Variants in DAB2IP observed in about 807,000 individuals in gnomAD.
DAB2IP encodes disabled homolog 2-interacting protein.
In DAB2IP, 28 loss-of-function variants were observed where a neutral mutation model predicts 107.2. The ratio of observed to expected loss-of-function variants is 0.26; its 90% CI spans 0.19 to 0.36. DAB2IP has a LOEUF of 0.36. DAB2IP is among the 10% of genes least tolerant of loss of function. The pLI, the probability that DAB2IP is intolerant of heterozygous loss-of-function variation, is 1.00. For missense variants in DAB2IP, 1,400 were observed against 1,644.7 expected, an observed-to-expected ratio of 0.85 and a Z score of 2.57; for synonymous variants, 755 against 706.4, an observed-to-expected ratio of 1.07 and a Z score of -1.09.
intron 1 of DAB2IP, among the ~76,000 whole-genome samples, chr9:121,654,042 A>G (rs1389883551): frequency 1.3e-5 from 2 of 152,186 alleles, no homozygotes; most frequent in African/African-American, 2.4e-5. Context: ...GCACACAACT[A>G]TTCTACAGCC....
Position 121,776,072 on chromosome 9 carries a change from G to A in DAB2IP, c.3121-126G>A. 1.8e-6 allele frequency: 2 copies of A among 1,107,402 alleles called. No homozygotes were observed. The highest frequency in any genetic ancestry group is 2.6e-5 in the Admixed American group (1 of 38,496). 68.6% of individuals were successfully genotyped at this position (1,107,402 alleles called of 1,614,324 possible). A position where few individuals can be genotyped will look rare whatever the true frequency, so the allele number is the denominator to read the frequency against. Reference sequence around the variant, plus strand: ...TGGGCATCTCCTTGCTATGTGAAGTGGGCGGGTCACAGCCACTGGGGCCTT... The same window carrying A: ...TGGGCATCTCCTTGCTATGTGAAGTAGGCGGGTCACAGCCACTGGGGCCTT... On this transcript the variant is annotated intron_variant, in intron 13 of 15. Coordinates refer to ENST00000408936, the Ensembl canonical transcript of DAB2IP. This position sits in a 1 kb window ranked among gnomAD's most constrained non-coding sequence, Gnocchi z 5.4.
At chr9:121,616,193 G>A (rs1831269808) in intron 1 of DAB2IP, among the ~76,000 whole-genome samples, 1 of 152,346 alleles carries the variant, frequency 6.6e-6, no homozygotes, top group Middle Eastern at 3.4e-3. Flanking sequence ...CCTGCAGGAT[G>A]CAGGCGAGGG....
At chr9:121,587,820 AG>A (rs1251988268) in intron 1 of DAB2IP, among the ~76,000 whole-genome samples, 1 of 152,112 alleles carries the variant, frequency 6.6e-6, no homozygotes, top group Non-Finnish European at 1.5e-5. Context: ...GGGGGCCAAA[AG>A]GGGATAAAAA....
rs868084461 is a variant in DAB2IP at position 121,599,662 on chromosome 9, C to T, written c.40+32434C>T. On this transcript the variant is annotated intron_variant, in intron 1 of 16. Coordinates refer to the DAB2IP transcript ENST00000259371. The surrounding 1 kb of genome is among the most constrained non-coding windows in gnomAD (Gnocchi z 6.9). ...CGCGAAGGAAACTTTCCTGCAGCCG[C>T]CCGGCGACACCGCGACTCCGCCGCT... Among the ~76,000 whole-genome samples, 28 of 152,098 alleles carry T rather than the reference C, an allele frequency of 1.8e-4. No individual in the cohort carries two copies. Among genetic ancestry groups the T allele is most frequent in the African/African-American group, 6.0e-4 (25 of 41,436 alleles).
chr9:121,758,452 T>C (rs942814849), intron 4 of DAB2IP, among the ~76,000 whole-genome samples: 1 of 152,198 alleles, frequency 6.6e-6, no homozygotes, highest in Non-Finnish European at 1.5e-5. Flanking sequence ...AGCTGAGGAC[T>C]GAGGGGATTC....
At chr9:121,613,090 G>C (rs1054826504) in intron 1 of DAB2IP, among the ~76,000 whole-genome samples, 1 of 152,232 alleles carries the variant, frequency 6.6e-6, no homozygotes, top group Admixed American at 6.5e-5. Flanking sequence ...ATGCAGGTTT[G>C]GGATAAGAGT....
intron 1 of DAB2IP, chr9:121,567,291 C>T: frequency 1.2e-6 from 2 of 1,610,580 alleles, no homozygotes; most frequent in Non-Finnish European, 1.7e-6. Flanking sequence ...ACAGACTTTT[C>T]TCTGCTATAG....
At chr9:121,737,791 A>G (rs1297608145) in intron 3 of DAB2IP, 6 of 985,026 alleles carry the variant, frequency 6.1e-6, no homozygotes, top group Non-Finnish European at 7.2e-6. Flanking sequence ...GTCTCCAGCC[A>G]GGTATGGGGT....
At chr9:121,614,392 G>A (rs1243190760) in intron 1 of DAB2IP, among the ~76,000 whole-genome samples, 2 of 144,336 alleles carry the variant, frequency 1.4e-5, no homozygotes, top group African/African-American at 5.1e-5. Flanking sequence ...CGAGGCTGGA[G>A]TGCAATGGCA....
rs1304879484 is a variant in DAB2IP at position 121,736,422 on chromosome 9, C to T, written c.363-20591C>T. Among the ~76,000 whole-genome samples, 2 of 152,190 alleles carry T rather than the reference C, an allele frequency of 1.3e-5. No individual in the cohort carries two copies. The highest frequency in any genetic ancestry group is 2.1e-4 in the South Asian group (1 of 4,834). On this transcript the variant is annotated intron_variant, in intron 3 of 15. Coordinates refer to ENST00000408936, the Ensembl canonical transcript of DAB2IP. This position sits in a 1 kb window ranked among gnomAD's most constrained non-coding sequence, Gnocchi z 4.6. ...TGCTCCAGGGCCTGCGCGTCCCGCC[C>T]GCCCGGCGTGCCGAAGCGCAGCGGC...
intron 1 of DAB2IP, among the ~76,000 whole-genome samples, chr9:121,586,482 G>C (rs933839606): frequency 9.9e-5 from 15 of 152,092 alleles, no homozygotes; most frequent in African/African-American, 3.6e-4. Flanking sequence ...TCCAAAATGG[G>C]CCCCTTGCAG....
At chr9:121,713,976 T>C (rs1271923386) in intron 3 of DAB2IP, among the ~76,000 whole-genome samples, 2 of 152,212 alleles carry the variant, frequency 1.3e-5, no homozygotes, top group Non-Finnish European at 2.9e-5. Flanking sequence ...TCTGAACCTC[T>C]GTCTCCTCAT....
Position 121,776,140 on chromosome 9 carries a change from C to G in DAB2IP, c.3121-58C>G, listed in dbSNP as rs1428393921. The G allele has an allele frequency of 6.5e-7, 1 of 1,541,318 alleles. No homozygotes were observed. Among genetic ancestry groups the G allele is most frequent in the African/African-American group, 1.4e-5 (1 of 72,784 alleles). ...CTACCCTTCCTCCCACTCGGGCTGA[C>G]GAAGCTGTGCTCTCTGTGTCCTGGG... On this transcript the variant is annotated intron_variant, in intron 13 of 15. Coordinates refer to ENST00000408936, the Ensembl canonical transcript of DAB2IP. This position sits in a 1 kb window ranked among gnomAD's most constrained non-coding sequence, Gnocchi z 5.4.
rs201468680 is a variant in DAB2IP, at chr9:121,667,480, C to G, written c.125-11198C>G. Among the ~76,000 whole-genome samples, 34 of 152,194 alleles carry G rather than the reference C, an allele frequency of 2.2e-4. 1 individual carries two copies. The South Asian group carries it at 6.9e-3, about 31-fold the overall frequency. ...CTGATCTTTGGACTTCTCTGATCCACTTTTTCTTTCTTTCTTTTTCTTTTT... is the reference window on the plus strand; with the variant it reads ...CTGATCTTTGGACTTCTCTGATCCAGTTTTTCTTTCTTTCTTTTTCTTTTT... On this transcript the variant is annotated intron_variant, in intron 1 of 15. Coordinates refer to ENST00000408936, the Ensembl canonical transcript of DAB2IP.
rs138864458 is a variant in DAB2IP, at chr9:121,756,766, G to A, written c.363-247G>A. On this transcript the variant is annotated intron_variant, in intron 3 of 15. Transcript: ENST00000408936. The stretch of plus-strand genomic sequence containing the variant: ...TTGCAAATATTAACCCCGGAGTGGC[G>A]CCTAATCCTCACCTTCTTGCTCTCT... Among the ~76,000 whole-genome samples, 35 of 152,348 alleles carry A rather than the reference G, an allele frequency of 2.3e-4. No homozygotes were observed. The East Asian group carries it at 4.0e-3, about 18-fold the overall frequency.
At chr9:121,658,889 G>C (rs925348836) in intron 1 of DAB2IP, among the ~76,000 whole-genome samples, 2 of 152,224 alleles carry the variant, frequency 1.3e-5, no homozygotes, top group African/African-American at 4.8e-5. Context: ...GACTTTGACA[G>C]CTGCTGGGTA....
In DAB2IP at chr9:121,698,130, T is replaced by G. The variant is rs1362057104; in HGVS notation, c.229-1195T>G. On this transcript the variant is annotated intron_variant, in intron 2 of 15. Coordinates refer to ENST00000408936, the Ensembl canonical transcript of DAB2IP. This position sits in a 1 kb window ranked among gnomAD's most constrained non-coding sequence, Gnocchi z 4.1. ...AACTGACCCTTTATTTTGTGATGGA[T>G]GGAATGTGGTATTTGGATTATGTAC... Among the ~76,000 whole-genome samples the G allele has an allele frequency of 6.6e-6, 1 of 152,166 alleles. No individual in the cohort carries two copies. The highest frequency in any genetic ancestry group is 1.9e-4 in the East Asian group (1 of 5,200).
At chr9:121,783,332 A>T in exon 16 of DAB2IP, 1 of 1,435,392 alleles carries the variant, frequency 7.0e-7, no homozygotes, top group Non-Finnish European at 9.1e-7. Flanking sequence ...ATCTGGGCGG[A>T]TCTGGCCAGA....
At chr9:121,783,714 C>T in exon 16 of DAB2IP, 1 of 915,402 alleles carries the variant, frequency 1.1e-6, no homozygotes, top group South Asian at 1.4e-5. Flanking sequence ...CTCACCCTTC[C>T]CGGCCCCCGG....
Sources: allele counts gnomAD v4.1 joint callset (sites outside exome capture counted in the v4.1 genomes callset), GRCh38; gene constraint gnomAD v4.1.1; non-coding constraint Gnocchi (gnomAD v3.1); transcripts MANE v1.5; gene names NCBI Gene and HGNC (gene_info 2026-07-23, HGNC 2026-07-21).